TADA2A: variants seen among roughly 807,000 people sequenced by gnomAD.
The protein encoded by TADA2A is transcriptional adaptor 2A.
In TADA2A, 38 loss-of-function variants were observed where a neutral mutation model predicts 67.4. The observed-to-expected ratio is 0.56, with a 90% CI of 0.44 to 0.74. The LOEUF is 0.74. TADA2A is among the 30% of genes least tolerant of loss of function. The pLI, the probability that TADA2A is intolerant of heterozygous loss-of-function variation, is 0.00. For missense variants in TADA2A, 454 were observed against 547.0 expected, an observed-to-expected ratio of 0.83 and a Z score of 1.70; for synonymous variants, 192 against 181.6, an observed-to-expected ratio of 1.06 and a Z score of -0.46.
chr17:37,427,149 T>G, intron 4 of TADA2A, 140 bp downstream of exon 4: 1 of 613,916 alleles, frequency 1.6e-6, no homozygotes, highest in Non-Finnish European at 2.6e-6. Context: ...TCTTTACCTT[T>G]TCTCCCCTTC....
At chr17:37,470,610 G>A (rs2053765879) in intron 13 of TADA2A, 78 bp downstream of exon 13, 3 of 1,400,446 alleles carry the variant, frequency 2.1e-6, no homozygotes, top group South Asian at 3.2e-5. Flanking sequence ...GGGCACCCTA[G>A]ATGGCAGAGT....
Position 37,442,006 on chromosome 17 carries a change from G to A in TADA2A, c.443-558G>A, listed in dbSNP as rs555935602. Among the ~76,000 whole-genome samples, 19 of 152,198 alleles carry A rather than the reference G, an allele frequency of 1.2e-4. No individual in the cohort carries two copies. The East Asian group carries it at 3.7e-3, about 29-fold the overall frequency. ...GATAGCACTTTGGTGTTAGCACTTTGTTCTCAAATCCATTAGACCATTTGT... is the reference window on the plus strand; with the variant it reads ...GATAGCACTTTGGTGTTAGCACTTTATTCTCAAATCCATTAGACCATTTGT... On this transcript the variant is annotated intron_variant, in intron 6 of 15. Coordinates refer to ENST00000615182, the MANE Select transcript of TADA2A (RefSeq NM_001166105.3).
At chr17:37,432,858 T>C (rs553941833) in intron 4 of TADA2A, among the ~76,000 whole-genome samples, 1 of 152,050 alleles carries the variant, frequency 6.6e-6, no homozygotes, top group South Asian at 2.1e-4. Context: ...CTTGCCAACA[T>C]TTGGCATTGT....
At chr17:37,459,671 C>T (rs1010173186) in intron 9 of TADA2A, among the ~76,000 whole-genome samples, 3 of 151,722 alleles carry the variant, frequency 2.0e-5, no homozygotes, top group Admixed American at 6.6e-5. Flanking sequence ...TGGCTCACTG[C>T]AGTCTCCAAC....
intron 2 of TADA2A, among the ~76,000 whole-genome samples, chr17:37,422,825 T>C (rs1473176650): frequency 6.6e-6 from 1 of 152,222 alleles, no homozygotes; most frequent in Non-Finnish European, 1.5e-5. Context: ...ATATGCTTGC[T>C]ACCTAGATTC....
chr17:37,434,492 T>C (rs1441118647), intron 4 of TADA2A, among the ~76,000 whole-genome samples: 2 of 152,170 alleles, frequency 1.3e-5, no homozygotes, highest in African/African-American at 4.8e-5. Context: ...AAAAGCTGGA[T>C]TGTTTGTCTT....
At position 37,411,203 on chromosome 17, in the gene TADA2A, A is replaced by C. The variant is rs575581479; in HGVS notation, c.-97-66A>C. 4.4e-6 allele frequency: 3 copies of C among 675,694 alleles called. No individual in the cohort carries two copies. The East Asian group carries it at 7.6e-5, about 17-fold the overall frequency. 41.9% of individuals were successfully genotyped at this position (675,694 alleles called of 1,614,324 possible). Reference sequence around the variant, plus strand: ...TGTGGCAGAGCTGAGTATGTTGCATATCTTCTCTTTATCTTGTCCCTTTGA... The same window carrying C: ...TGTGGCAGAGCTGAGTATGTTGCATCTCTTCTCTTTATCTTGTCCCTTTGA... On this transcript the variant is annotated intron_variant, in intron 1 of 15. Coordinates refer to ENST00000615182, the MANE Select transcript of TADA2A (RefSeq NM_001166105.3).
In TADA2A at chr17:37,457,203, C is replaced by T. The variant is rs1348763643; in HGVS notation, c.605-1321C>T. On this transcript the variant is annotated intron_variant, in intron 8 of 15. Coordinates refer to ENST00000615182, the MANE Select transcript of TADA2A (RefSeq NM_001166105.3). Reference sequence around the variant, plus strand: ...TTTTTTTTTTTTTTTTTTTTTGAGACGGAGTCTTGCAGCAATGCCCTGGCT... The same window carrying T: ...TTTTTTTTTTTTTTTTTTTTTGAGATGGAGTCTTGCAGCAATGCCCTGGCT... 9.4e-5 allele frequency among the ~76,000 whole-genome samples: 11 copies of T among 116,748 alleles called. No individual in the cohort carries two copies. In the East Asian group the frequency reaches 9.8e-4, roughly 10 times the overall value. The allele number at this position is 116,748 out of a possible 152,430, so 76.6% of individuals were successfully genotyped here. A position where few individuals can be genotyped will look rare whatever the true frequency, so the allele number is the denominator to read the frequency against.
chr17:37,413,926 A>C (rs1262147909), intron 2 of TADA2A, among the ~76,000 whole-genome samples: 1 of 152,116 alleles, frequency 6.6e-6, no homozygotes, highest in African/African-American at 2.4e-5. Flanking sequence ...CTCGAGAGGT[A>C]GTTTTTGGGT....
chr17:37,448,177 G>A (rs563520329), intron 8 of TADA2A, among the ~76,000 whole-genome samples: 1 of 152,158 alleles, frequency 6.6e-6, no homozygotes, highest in South Asian at 2.1e-4. Context: ...TGTTTGGCTG[G>A]GTTTTGTATT....
intron 8 of TADA2A, among the ~76,000 whole-genome samples, chr17:37,450,162 G>A (rs751459977): frequency 5.3e-5 from 8 of 152,238 alleles, no homozygotes; most frequent in Non-Finnish European, 1.0e-4. Context: ...TGGGCTGCAT[G>A]TGACTCACGA....
chr17:37,459,055 C>G (rs1350716551), intron 9 of TADA2A, among the ~76,000 whole-genome samples: 1 of 152,092 alleles, frequency 6.6e-6, no homozygotes, highest in Non-Finnish European at 1.5e-5. Flanking sequence ...TTGGAGAAGA[C>G]TCTTACCCTC....
Position 37,411,309 on chromosome 17 carries a change from A to C in TADA2A, c.-57A>C. 6.3e-7 allele frequency: 1 copy of C among 1,590,550 alleles called. No homozygotes were observed. Among genetic ancestry groups the C allele is most frequent in the Non-Finnish European group, 8.6e-7 (1 of 1,159,094 alleles). On this transcript the variant is annotated 5_prime_UTR_variant, in exon 2 of 16. Coordinates refer to ENST00000615182, the MANE Select transcript of TADA2A (RefSeq NM_001166105.3). ...TGGTGTATGTGTTGGCCGGTTCTGA[A>C]GTCTTGAAGAAGCTCTGCTGAGGAA...
Position 37,440,618 on chromosome 17 carries a change from A to T in TADA2A, c.398A>T (p.Gln133Leu). 1 of 1,614,196 alleles carries T rather than the reference A, an allele frequency of 6.2e-7. No individual in the cohort carries two copies. The highest frequency in any genetic ancestry group is 2.2e-5 in the East Asian group (1 of 44,886). ...LFASTLLNLK[Q>L]AEEAKTADTA... ...GCATCTACCCTGCTGAACCTGAAAC[A>T]AGCAGAGGAAGCAAAAACTGCTGAC... Residue 133 changes from glutamine (Q) to leucine (L), a missense_variant, in exon 6 of 16, where the codon CAA (glutamine) becomes CTA (leucine). By Grantham distance (113) the Gln-to-Leu change is moderately radical. Transcript: ENST00000615182.
chr17:37,421,495 C>T (rs2052231058), intron 2 of TADA2A, among the ~76,000 whole-genome samples: 1 of 147,302 alleles, frequency 6.8e-6, no homozygotes, highest in South Asian at 2.2e-4. Flanking sequence ...TAGAGGCTAG[C>T]TGAGTGTGAT....
chr17:37,425,460 AGAT>A (rs2052377637), intron 3 of TADA2A, among the ~76,000 whole-genome samples: 1 of 152,198 alleles, frequency 6.6e-6, no homozygotes, highest in South Asian at 2.1e-4. Flanking sequence ...CCCATTTTAT[AGAT>A]GAAGAAATTT....
At position 37,462,092 on chromosome 17, in the gene TADA2A, A is replaced by T. The variant is rs1045907641; in HGVS notation, c.683A>T (p.His228Leu). Residue 228 changes from histidine to leucine, a missense_variant, in exon 10 of 16, where the codon CAT becomes CTT. His to Leu is a moderately conservative substitution (Grantham distance 99, BLOSUM62 -3). Transcript: ENST00000615182. ...RQRRKKIIRDHGLINLRKFQL... is the reference protein window; with the variant it reads ...RQRRKKIIRDLGLINLRKFQL... ...TTTCATTCTAGAATTATAAGAGACCATGGATTAATCAACCTTAGAAAGTTT... is the reference window on the plus strand; with the variant it reads ...TTTCATTCTAGAATTATAAGAGACCTTGGATTAATCAACCTTAGAAAGTTT... 4 of 1,573,632 alleles carry T rather than the reference A, an allele frequency of 2.5e-6. No homozygotes were observed. Among genetic ancestry groups the T allele is most frequent in the Non-Finnish European group, 2.6e-6 (3 of 1,152,482 alleles).
intron 7 of TADA2A, 105 bp from the exon 8 acceptor site, chr17:37,444,591 T>C (rs2053020093): frequency 3.2e-6 from 3 of 931,866 alleles, no homozygotes; most frequent in African/African-American, 1.7e-5. Context: ...TTTAAACAAC[T>C]GTTTGCTTGT....
intron 4 of TADA2A, among the ~76,000 whole-genome samples, chr17:37,433,869 G>A (rs192764831): frequency 2.6e-5 from 4 of 151,930 alleles, no homozygotes; most frequent in African/African-American, 9.7e-5. Context: ...CAGGAGAGTC[G>A]CTTGAACCCA....
Sources: allele counts gnomAD v4.1 joint callset (sites outside exome capture counted in the v4.1 genomes callset), GRCh38; gene constraint gnomAD v4.1.1; transcripts MANE v1.5; gene names NCBI Gene and HGNC (gene_info 2026-07-23, HGNC 2026-07-21).